The following ASTN1 variants were observed in gnomAD, a reference collection of about 807,000 sequenced individuals.
ASTN1 encodes astrotactin 1, also known as astrotactin-1.
ASTN1 carries 41 observed loss-of-function variants against 140.7 expected under a neutral mutation model. The ratio of observed to expected loss-of-function variants is 0.29; its 90% CI spans 0.23 to 0.38. The LOEUF is 0.38. Among genes scored for constraint, ASTN1 ranks in the 10% least tolerant of loss-of-function variants. ASTN1 has a pLI of 1.00. For missense variants in ASTN1, 1,479 were observed against 1,678.8 expected (o/e 0.88, Z 2.08); for synonymous variants, 640 against 652.2 (o/e 0.98, Z 0.29).
At chr1:177,001,810 A>G (rs1271551969) in intron 8 of ASTN1, among the ~76,000 whole-genome samples, 3 of 152,230 alleles carry the variant, frequency 2.0e-5, no homozygotes, top group Non-Finnish European at 4.4e-5. Context: ...GCTCACTGGC[A>G]TTGATGTTAA....
At chr1:176,968,650 G>A (rs1672997054) in intron 8 of ASTN1, among the ~76,000 whole-genome samples, 1 of 152,178 alleles carries the variant, frequency 6.6e-6, no homozygotes, top group African/African-American at 2.4e-5. Flanking sequence ...CTTCCCTCTA[G>A]TCCGGAATGA....
intron 1 of ASTN1, among the ~76,000 whole-genome samples, chr1:177,138,988 G>A (rs1289662471): frequency 2.0e-5 from 3 of 152,136 alleles, no homozygotes; most frequent in South Asian, 2.1e-4. Context: ...TTTCCACTCC[G>A]CCATGCAGAA....
chr1:177,149,279 T>C (rs1173284067), intron 1 of ASTN1, among the ~76,000 whole-genome samples: 1 of 89,748 alleles, frequency 1.1e-5, no homozygotes, highest in African/African-American at 5.1e-5. Flanking sequence ...CTATATATAG[T>C]AAATATATAT....
chr1:177,019,580 A>C (rs562063655), intron 7 of ASTN1, among the ~76,000 whole-genome samples: 2 of 152,354 alleles, frequency 1.3e-5, no homozygotes, highest in East Asian at 3.9e-4. Context: ...TCTCAAGTGC[A>C]TCCAAGTTCA....
intron 1 of ASTN1, among the ~76,000 whole-genome samples, chr1:177,108,824 C>T (rs34609491): frequency 0.39 from 59,104 of 151,848 alleles, 12,990 homozygotes; most frequent in Middle Eastern, 0.52. Context: ...TATAAGGCTC[C>T]CAAGCTCAGA....
At chr1:176,997,000 C>T (rs114837630) in intron 8 of ASTN1, among the ~76,000 whole-genome samples, 123 of 152,320 alleles carry the variant, frequency 8.1e-4, no homozygotes, top group Non-Finnish European at 1.6e-3. Context: ...ACAGCCTACC[C>T]AGGGACTGTT....
intron 1 of ASTN1, among the ~76,000 whole-genome samples, chr1:177,119,886 G>A (rs1681290199): frequency 6.6e-6 from 1 of 152,180 alleles, no homozygotes; most frequent in South Asian, 2.1e-4. Flanking sequence ...AACCAGCAGA[G>A]GCTGCCCCCT....
chr1:177,091,579 C>A (rs1466438856), intron 1 of ASTN1, among the ~76,000 whole-genome samples: 2 of 152,234 alleles, frequency 1.3e-5, no homozygotes, highest in South Asian at 2.1e-4. Flanking sequence ...AAAATTTACT[C>A]TTTTAAGATG....
At chr1:176,901,787 A>G (rs571427477) in intron 16 of ASTN1, among the ~76,000 whole-genome samples, 168 of 151,332 alleles carry the variant, frequency 1.1e-3, no homozygotes, top group African/African-American at 4.0e-3. Flanking sequence ...GGGATTAAAT[A>G]ATGGAAAAAC....
intron 8 of ASTN1, among the ~76,000 whole-genome samples, chr1:176,983,815 G>A (rs1019784001): frequency 2.9e-4 from 44 of 152,112 alleles, no homozygotes; most frequent in East Asian, 3.9e-4. Context: ...GAATGTATTC[G>A]CGCTGACCTT....
At position 177,073,517 on chromosome 1, in the gene ASTN1, A is replaced by T. The variant is rs527328651; in HGVS notation, c.284-12252T>A. Among the ~76,000 whole-genome samples, 45 of 149,620 alleles carry T rather than the reference A, an allele frequency of 3.0e-4. 1 individual carries two copies. The East Asian group carries it at 8.8e-3, about 29-fold the overall frequency. ...TAAGCCTGGATCACATTCCTCTCTT[A>T]GTCTGCCTTGTATCAGGAGACTCAT... On this transcript the variant is annotated intron_variant, in intron 1 of 22. Transcript: ENST00000361833.
At chr1:177,116,652 C>T (rs1169034941) in intron 1 of ASTN1, among the ~76,000 whole-genome samples, 26 of 152,128 alleles carry the variant, frequency 1.7e-4, no homozygotes, top group Non-Finnish European at 3.5e-4. Context: ...TCTGCCTCCA[C>T]CATTCTACTG....
intron 1 of ASTN1, among the ~76,000 whole-genome samples, chr1:177,124,990 C>T (rs1475404582): frequency 2.0e-5 from 3 of 152,186 alleles, no homozygotes; most frequent in African/African-American, 7.2e-5. Context: ...TAGCATTGTG[C>T]CAGATGCTGG....
chr1:176,903,298 C>T (rs1009250756), intron 16 of ASTN1, among the ~76,000 whole-genome samples: 2 of 149,336 alleles, frequency 1.3e-5, no homozygotes, highest in African/African-American at 4.9e-5. Context: ...TCTCTCTCTC[C>T]CCATTTCTTC....
intron 14 of ASTN1, among the ~76,000 whole-genome samples, chr1:176,938,039 C>A (rs1297157255): frequency 6.6e-6 from 1 of 152,134 alleles, no homozygotes; most frequent in African/African-American, 2.4e-5. Flanking sequence ...CTTAGTGAAT[C>A]AATTGCTTAA....
intron 3 of ASTN1, among the ~76,000 whole-genome samples, chr1:177,032,093 T>C (rs542970457): frequency 1.3e-5 from 2 of 152,314 alleles, no homozygotes; most frequent in Admixed American, 6.5e-5. Context: ...CCTAAGCAAG[T>C]ATAAAATATA....
At chr1:176,997,590 T>A (rs1360595544) in intron 8 of ASTN1, among the ~76,000 whole-genome samples, 3 of 151,792 alleles carry the variant, frequency 2.0e-5, no homozygotes, top group Non-Finnish European at 4.4e-5. Context: ...TCCCTGTGAG[T>A]CCATTTCTCA....
chr1:177,053,040 G>T (rs958533194), intron 2 of ASTN1, among the ~76,000 whole-genome samples: 2 of 152,212 alleles, frequency 1.3e-5, no homozygotes, highest in African/African-American at 4.8e-5. Context: ...GAAATTGATT[G>T]ATAGTATGTA....
At chr1:176,986,760 A>G (rs1673927092) in intron 8 of ASTN1, among the ~76,000 whole-genome samples, 1 of 152,196 alleles carries the variant, frequency 6.6e-6, no homozygotes, top group Admixed American at 6.5e-5. Context: ...TAATAATGCC[A>G]TTCACCTTAT....
Sources: allele counts gnomAD v4.1 joint callset (sites outside exome capture counted in the v4.1 genomes callset), GRCh38; gene constraint gnomAD v4.1.1; transcripts MANE v1.5; gene names NCBI Gene and HGNC (gene_info 2026-07-23, HGNC 2026-07-21).